COL18A1: variants seen among roughly 807,000 people sequenced by gnomAD.
COL18A1 encodes the protein collagen alpha-1(XVIII) chain.
In COL18A1, 133 loss-of-function variants were observed where a neutral mutation model predicts 168.0. The ratio of observed to expected loss-of-function variants is 0.79; its 90% CI spans 0.69 to 0.91. The LOEUF is 0.91. COL18A1 is among the 40% of genes least tolerant of loss of function. The probability of loss-of-function intolerance (pLI) is 0.00; values close to 1 mark genes in which losing one functional copy is unlikely to be tolerated. For synonymous variants in COL18A1, 949 were observed against 809.0 expected, an observed-to-expected ratio of 1.17 and a Z score of -2.94; for missense variants, 2,126 against 1,925.4, an observed-to-expected ratio of 1.10 and a Z score of -1.95.
chr21:45,416,516 A>G lies in COL18A1; in HGVS notation c.106+11043A>G, dbSNP rs529992843. ...GCCCCTAGGTGTTGAACCTGAGGAC[A>G]GTGTGCTCTCCTGGGCCTCGGTCCG... On this transcript the variant is annotated intron_variant, in intron 2 of 41. Transcript: ENST00000651438. Among the ~76,000 whole-genome samples, 7 of 152,280 alleles carry G rather than the reference A, an allele frequency of 4.6e-5. No individual in the cohort carries two copies. The East Asian group carries it at 1.4e-3, about 29-fold the overall frequency.
intron 2 of COL18A1, among the ~76,000 whole-genome samples, chr21:45,412,329 C>T (rs569308764): frequency 2.3e-4 from 34 of 150,536 alleles, no homozygotes; most frequent in East Asian, 7.9e-4. Flanking sequence ...CTCCATCTTC[C>T]GGGCTCAAGC....
chr21:45,453,453 G>A lies in COL18A1; in HGVS notation c.107-14789G>A, dbSNP rs183914237. 1.0e-3 allele frequency among the ~76,000 whole-genome samples: 154 copies of A among 152,340 alleles called. 1 individual carries two copies. The highest frequency in any genetic ancestry group is 1.9e-3 in the Non-Finnish European group (126 of 68,026). ...CACATGCGTGCGTTTGAGTGATGATGTGAGGAGGCTTATGTAGTAGCCACC... is the reference window on the plus strand; with the variant it reads ...CACATGCGTGCGTTTGAGTGATGATATGAGGAGGCTTATGTAGTAGCCACC... On this transcript the variant is annotated intron_variant, in intron 2 of 41. Coordinates refer to ENST00000651438, the MANE Select transcript of COL18A1 (RefSeq NM_001379500.1).
chr21:45,486,471 C>T (rs2036116249), intron 15 of COL18A1, among the ~76,000 whole-genome samples: 1 of 116,056 alleles, frequency 8.6e-6, no homozygotes, highest in African/African-American at 3.5e-5. Flanking sequence ...CCCTCGCCTG[C>T]CCGGGAGCCA....
rs1217852240 is a variant in COL18A1, at chr21:45,425,434, G to A, written c.106+19961G>A. Among the ~76,000 whole-genome samples, 1 of 152,214 alleles carries A rather than the reference G, an allele frequency of 6.6e-6. No individual in the cohort carries two copies. Among genetic ancestry groups the A allele is most frequent in the African/African-American group, 2.4e-5 (1 of 41,462 alleles). ...TCCCTGCAACTGTCCCCCAAGAGGT[G>A]TGCATGGAGGTGGACCCCCTGCCTC... On this transcript the variant is annotated intron_variant, in intron 2 of 41. Coordinates refer to ENST00000651438, the MANE Select transcript of COL18A1 (RefSeq NM_001379500.1). The surrounding 1 kb of genome is among the most constrained non-coding windows in gnomAD (Gnocchi z 4.1).
chr21:45,412,035 TCACGCACTAAGGGG>T (rs1432056221), intron 2 of COL18A1, among the ~76,000 whole-genome samples: 2 of 152,120 alleles, frequency 1.3e-5, no homozygotes, highest in Non-Finnish European at 2.9e-5. Flanking sequence ...GTGAACTTTT[TCACGCACTAAGGGG>T]CCGTCGTGCT....
In COL18A1 at chr21:45,498,074, C is replaced by A; in HGVS notation, c.2683+413C>A. ...TGGGAAGGAGGCGTTGCCCGACAGG[C>A]CGTCTGGAGGGTGAGCCCAGCACCC... On this transcript the variant is annotated intron_variant, in intron 32 of 41. Coordinates refer to ENST00000651438, the MANE Select transcript of COL18A1 (RefSeq NM_001379500.1). This position sits in a 1 kb window ranked among gnomAD's most constrained non-coding sequence, Gnocchi z 4.5. The A allele has an allele frequency of 1.6e-6, 1 of 607,782 alleles. No individual in the cohort carries two copies. The highest frequency in any genetic ancestry group is 2.9e-6 in the Non-Finnish European group (1 of 342,784). 37.6% of individuals were successfully genotyped at this position (607,782 alleles called of 1,614,324 possible).
intron 2 of COL18A1, among the ~76,000 whole-genome samples, chr21:45,411,778 A>AGGGGGGGGGGGGGGGGGGGGGGGGGG (rs1569273645): frequency 9.2e-6 from 1 of 108,300 alleles, no homozygotes; most frequent in Non-Finnish European, 1.7e-5. Flanking sequence ...GGGGGGGGGC[A>AGGGGGGGGGGGGGGGGGGGGGGGGGG]GGCTGTGGTC....
At position 45,504,510 on chromosome 21, in the gene COL18A1, CCGGCCCCCCA is replaced by C. The variant is rs1555874527; in HGVS notation, c.2823_2832del (p.Gly942AlafsTer86). On this transcript the variant is annotated frameshift_variant, in exon 34 of 42. Coordinates refer to ENST00000651438, the MANE Select transcript of COL18A1 (RefSeq NM_001379500.1). LOFTEE classifies it high-confidence loss of function. ...TTCGGCTCCAGCCTGCCCGGCCCCCCCGGCCCCCCAGGCCCCCCAGGCCCACGTGGCTACC... is the reference window on the plus strand; with the variant it reads ...TTCGGCTCCAGCCTGCCCGGCCCCCCGGCCCCCCAGGCCCACGTGGCTACC... 1.6e-5 allele frequency: 22 copies of C among 1,414,150 alleles called. No individual in the cohort carries two copies. Among genetic ancestry groups the C allele is most frequent in the South Asian group, 3.6e-5 (3 of 83,348 alleles). The allele number at this position is 1,414,150 out of a possible 1,614,324, so 87.6% of individuals were successfully genotyped here.
Position 45,512,392 on chromosome 21 carries a change from C to G in COL18A1, c.4014C>G (p.Ser1338=). 1 of 1,612,458 alleles carries G rather than the reference C, an allele frequency of 6.2e-7. No homozygotes were observed. Among genetic ancestry groups the G allele is most frequent in the East Asian group, 2.2e-5 (1 of 44,860 alleles). The change falls in exon 42 of 42, where the codon TCC becomes TCG. Residue 1338 remains serine (S), a synonymous_variant. Coordinates refer to ENST00000651438, the MANE Select transcript of COL18A1 (RefSeq NM_001379500.1). ...LCIENSFMTA[S]K Reference sequence around the variant, plus strand: ...TTGAGAACAGCTTCATGACTGCCTCCAAGTAGCCACCGCCTGGATGCGGAT... The same window carrying G: ...TTGAGAACAGCTTCATGACTGCCTCGAAGTAGCCACCGCCTGGATGCGGAT...
At chr21:45,436,750 G>C (rs2034111675) in intron 2 of COL18A1, among the ~76,000 whole-genome samples, 1 of 151,866 alleles carries the variant, frequency 6.6e-6, no homozygotes, top group Non-Finnish European at 1.5e-5. Context: ...GTGGCTGTGG[G>C]GTCCCTGATG....
chr21:45,479,045 G>A (rs539786709), intron 9 of COL18A1, among the ~76,000 whole-genome samples: 4 of 152,024 alleles, frequency 2.6e-5, no homozygotes, highest in African/African-American at 7.2e-5. Context: ...GGGGCGGCAC[G>A]GGGCCCACCC....
intron 2 of COL18A1, chr21:45,421,102 G>A (rs890437643): frequency 1.7e-4 from 42 of 244,158 alleles, no homozygotes; most frequent in Admixed American, 6.6e-4. Flanking sequence ...GTCCCTGCCC[G>A]GTACCGGGTC....
In COL18A1 at chr21:45,498,454, T is replaced by G. The variant is rs768105790; in HGVS notation, c.2683+793T>G. ...GTCCCCTCTCGCCGCCAGGGTCCCC[T>G]CTCGCCGCCACGGTCCCCGCTCGCC... On this transcript the variant is annotated intron_variant, in intron 32 of 41. Coordinates refer to ENST00000651438, the MANE Select transcript of COL18A1 (RefSeq NM_001379500.1). The surrounding 1 kb of genome is among the most constrained non-coding windows in gnomAD (Gnocchi z 4.5). 1.5e-4 allele frequency: 104 copies of G among 699,430 alleles called. No individual in the cohort carries two copies. The highest frequency in any genetic ancestry group is 3.5e-4 in the Middle Eastern group (1 of 2,820). The allele number at this position is 699,430 out of a possible 1,614,324, so 43.3% of individuals were successfully genotyped here.
At chr21:45,487,045 C>A in intron 16 of COL18A1, 53 bp downstream of exon 16, 1 of 1,461,748 alleles carries the variant, frequency 6.8e-7, no homozygotes. Flanking sequence ...GCCGTTGCCC[C>A]AGCCCTACTA....
chr21:45,493,366 C>T (rs888605109), intron 25 of COL18A1, 135 bp from the exon 26 acceptor site: 51 of 1,277,862 alleles, frequency 4.0e-5, no homozygotes, highest in Admixed American at 1.6e-4. Context: ...CTGCTCGGGC[C>T]GTCCCTGTGG....
intron 15 of COL18A1, 114 bp from the exon 16 acceptor site, chr21:45,486,747 T>C: frequency 8.3e-7 from 1 of 1,207,846 alleles, no homozygotes; most frequent in Non-Finnish European, 1.1e-6. Context: ...GAATGTTCCT[T>C]ACCTTTTGAT....
rs533936144 is a variant in COL18A1, at chr21:45,425,351, C to T, written c.106+19878C>T. On this transcript the variant is annotated intron_variant, in intron 2 of 41. Coordinates refer to ENST00000651438, the MANE Select transcript of COL18A1 (RefSeq NM_001379500.1). This position sits in a 1 kb window ranked among gnomAD's most constrained non-coding sequence, Gnocchi z 4.1. ...TCCCTGGACACGCCTGTCAGAGCCC[C>T]AGACTGGGCTCCCCTGGAGGACCCT... Among the ~76,000 whole-genome samples the T allele has an allele frequency of 1.3e-4, 20 of 152,312 alleles. No individual in the cohort carries two copies. The highest frequency in any genetic ancestry group is 4.6e-4 in the African/African-American group (19 of 41,568).
At position 45,463,678 on chromosome 21, in the gene COL18A1, G is replaced by A. The variant is rs907489026; in HGVS notation, c.107-4564G>A. Among the ~76,000 whole-genome samples the A allele has an allele frequency of 2.6e-5, 4 of 152,110 alleles. No homozygotes were observed. Among genetic ancestry groups the A allele is most frequent in the Non-Finnish European group, 5.9e-5 (4 of 68,016 alleles). ...TTTGGGATGCCGAGGCATGCGGATC[G>A]CCTGAGGTCGGGAGTTGGAGACCAG... On this transcript the variant is annotated intron_variant, in intron 2 of 41. Transcript: ENST00000651438. This position sits in a 1 kb window ranked among gnomAD's most constrained non-coding sequence, Gnocchi z 4.0.
At chr21:45,433,519 C>T (rs1367521211) in intron 2 of COL18A1, among the ~76,000 whole-genome samples, 1 of 152,158 alleles carries the variant, frequency 6.6e-6, no homozygotes, top group Non-Finnish European at 1.5e-5. Context: ...CAGGTTGATC[C>T]AACAGATGCC....
Sources: gnomAD v4.1 joint callset for allele counts (sites outside exome capture counted in the v4.1 genomes callset) on GRCh38, gnomAD v4.1.1 for gene constraint, Gnocchi (gnomAD v3.1) non-coding constraint, MANE v1.5 for transcripts, NCBI Gene and HGNC (gene_info 2026-07-23, HGNC 2026-07-21) for gene names.